TMEM131: variants seen among roughly 807,000 people sequenced by gnomAD.
TMEM131 encodes transmembrane protein 131, also known as 2610524E03Rik.
A neutral mutation model predicts 211.6 loss-of-function variants in TMEM131; 66 were observed. The ratio of observed to expected loss-of-function variants is 0.31; its 90% CI spans 0.26 to 0.38. The LOEUF (loss-of-function observed/expected upper bound fraction) is 0.38, where lower values mean the gene tolerates loss of function less well. Among genes scored for constraint, TMEM131 ranks in the 10% least tolerant of loss-of-function variants. TMEM131 has a pLI of 1.00. For synonymous variants in TMEM131, 844 were observed against 841.3 expected (o/e 1.00, Z -0.06); for missense variants, 2,036 against 2,299.3 (o/e 0.89, Z 2.34).
chr2:97,813,038 T>A (rs1681629285), intron 15 of TMEM131, among the ~76,000 whole-genome samples: 2 of 152,228 alleles, frequency 1.3e-5, no homozygotes, highest in African/African-American at 2.4e-5. Flanking sequence ...CTTTTGTATA[T>A]ATGCATAAAA....
In TMEM131 at chr2:97,757,198, G is replaced by C; in HGVS notation, c.5553C>G (p.Asp1851Glu). The part of the protein sequence containing the change: ...HAPSTSSPAD[D>E]LGQTYNPWRI... ...GCCACGGGTTGTAGGTCTGTCCCAA[G>C]TCGTCAGCTGGACTGGAGGTGGAGG... is the stretch of plus-strand genomic sequence containing the variant. Residue 1851 changes from aspartate to glutamate, a missense_variant, in exon 41 of 41, where the codon GAC becomes GAG. By Grantham distance (45) the Asp-to-Glu change is conservative (BLOSUM62 2). This residue lies in a region of TMEM131 where 1,623 missense variants were observed against 1,805.9 expected (regional missense o/e 0.90). Transcript: ENST00000186436. The C allele has an allele frequency of 6.2e-7, 1 of 1,614,006 alleles. No homozygotes were observed. The highest frequency in any genetic ancestry group is 8.5e-7 in the Non-Finnish European group (1 of 1,179,888).
intron 4 of TMEM131, among the ~76,000 whole-genome samples, chr2:97,869,104 A>AG (rs1415808097): frequency 6.6e-6 from 1 of 152,236 alleles, no homozygotes; most frequent in African/African-American, 2.4e-5. Flanking sequence ...TGCTTTCTTA[A>AG]GAAAAAAAAT....
Position 97,908,697 on chromosome 2 carries a change from G to C in TMEM131, c.251C>G (p.Thr84Ser), listed in dbSNP as rs1321256516. The change falls in exon 3 of 41, where the codon ACC becomes AGC. Residue 84 changes from threonine to serine, a missense_variant and splice_region_variant. By Grantham distance (58) the Thr-to-Ser change is moderately conservative (BLOSUM62 1). Around this residue, in one of 3 missense-constraint regions of TMEM131, gnomAD observed 277 missense variants for 378.0 expected, o/e 0.73. Transcript: ENST00000186436. The stretch of plus-strand genomic sequence containing the variant: ...TGAACTGAGTCCAAGTGTTGTCTCG[G>C]TCTGTAAAAGGAATAAAATAATGAT... ...LRFDDGGLLQ[T>S]ETTLGLSSYQ... The C allele has an allele frequency of 6.2e-7, 1 of 1,603,664 alleles. No individual in the cohort carries two copies. The highest frequency in any genetic ancestry group is 1.1e-5 in the South Asian group (1 of 89,886).
chr2:97,901,082 C>T (rs1212780409), intron 3 of TMEM131, among the ~76,000 whole-genome samples: 1 of 152,114 alleles, frequency 6.6e-6, no homozygotes, highest in African/African-American at 2.4e-5. Context: ...TAGGAATTTA[C>T]CCTGAATATA....
At chr2:97,820,439 G>A (rs544340583) in intron 11 of TMEM131, among the ~76,000 whole-genome samples, 138 of 152,218 alleles carry the variant, frequency 9.1e-4, no homozygotes, top group Non-Finnish European at 1.6e-3. Context: ...CCAAAGAGAG[G>A]AAATCAGTAC....
chr2:97,760,967 C>CG (rs1559341088), intron 36 of TMEM131, 53 bp from the exon 37 acceptor site: 2 of 1,603,930 alleles, frequency 1.2e-6, no homozygotes, highest in Non-Finnish European at 1.7e-6. Flanking sequence ...TGCCCTGTCT[C>CG]GGGGAGGTGT....
chr2:97,760,558 C>A, intron 38 of TMEM131, 35 bp downstream of exon 38: 2 of 1,576,406 alleles, frequency 1.3e-6, no homozygotes, highest in Non-Finnish European at 8.6e-7. Flanking sequence ...GAGAAGCCTT[C>A]CGTCTTTCTA....
chr2:97,953,200 G>A (rs923605077), intron 1 of TMEM131, among the ~76,000 whole-genome samples: 1 of 152,152 alleles, frequency 6.6e-6, no homozygotes, highest in African/African-American at 2.4e-5. Context: ...TGTGCTCAAT[G>A]TATGGAAATG....
chr2:97,849,717 C>CTCTT (rs1673520442), intron 5 of TMEM131, among the ~76,000 whole-genome samples: 5 of 103,824 alleles, frequency 4.8e-5, no homozygotes, highest in East Asian at 2.6e-4. Flanking sequence ...CTCTCTCTCT[C>CTCTT]TTTTTTTTTT....
At chr2:97,870,149 C>CA (rs763914787) in intron 4 of TMEM131, among the ~76,000 whole-genome samples, 9 of 151,764 alleles carry the variant, frequency 5.9e-5, no homozygotes, top group South Asian at 2.1e-4. Context: ...CAGGCTCACC[C>CA]AAAAAAAATC....
chr2:97,907,501 T>G (rs550160351), intron 3 of TMEM131, among the ~76,000 whole-genome samples: 1 of 152,296 alleles, frequency 6.6e-6, no homozygotes, highest in South Asian at 2.1e-4. Context: ...TTCATAGATG[T>G]ACTTTAAACA....
chr2:97,795,793 A>G (rs188962315), intron 28 of TMEM131, among the ~76,000 whole-genome samples: 3 of 152,340 alleles, frequency 2.0e-5, no homozygotes, highest in Admixed American at 2.0e-4. Context: ...GATAGGTATT[A>G]AAACTGTCTT....
chr2:97,768,826 G>A (rs890558429), intron 33 of TMEM131, among the ~76,000 whole-genome samples: 4 of 152,118 alleles, frequency 2.6e-5, no homozygotes, highest in South Asian at 2.1e-4. Context: ...CCTGACCTCC[G>A]GTGATCTGCC....
In TMEM131 at chr2:97,806,841, T is replaced by C. The variant is rs1681325836; in HGVS notation, c.2056-1138A>G. ...AGCGTGCACAGGAAAAAGGGCGCAA[T>C]GACTGTGACACTGAGGCCAGCGCTC... On this transcript the variant is annotated intron_variant, in intron 19 of 40. Coordinates refer to ENST00000186436, the MANE Select transcript of TMEM131 (RefSeq NM_015348.2). 2.6e-5 allele frequency among the ~76,000 whole-genome samples: 4 copies of C among 152,076 alleles called. No individual in the cohort carries two copies. In the South Asian group the frequency reaches 6.2e-4, roughly 24 times the overall value.
At chr2:97,782,005 G>A (rs1182969220) in intron 31 of TMEM131, among the ~76,000 whole-genome samples, 1 of 152,208 alleles carries the variant, frequency 6.6e-6, no homozygotes, top group Non-Finnish European at 1.5e-5. Context: ...GCTGTAACCA[G>A]ACATCCCAGC....
At chr2:97,962,466 T>C (rs1678863097) in intron 1 of TMEM131, among the ~76,000 whole-genome samples, 1 of 152,130 alleles carries the variant, frequency 6.6e-6, no homozygotes, top group African/African-American at 2.4e-5. Flanking sequence ...ATAGCGCCAC[T>C]GCACTCCAGC....
At chr2:97,766,809 G>A (rs1223934333) in intron 33 of TMEM131, among the ~76,000 whole-genome samples, 1 of 152,166 alleles carries the variant, frequency 6.6e-6, no homozygotes, top group Non-Finnish European at 1.5e-5. Context: ...TTCAGCACTT[G>A]CAGACTGAAC....
intron 1 of TMEM131, among the ~76,000 whole-genome samples, chr2:97,981,974 A>C (rs996730565): frequency 6.6e-6 from 1 of 152,202 alleles, no homozygotes; most frequent in African/African-American, 2.4e-5. Flanking sequence ...GGCTACTATA[A>C]ATAATGCTGC....
At chr2:97,773,050 CTG>C (rs909794202) in intron 32 of TMEM131, among the ~76,000 whole-genome samples, 6 of 152,176 alleles carry the variant, frequency 3.9e-5, no homozygotes, top group African/African-American at 7.2e-5. Flanking sequence ...GAGTAAAACA[CTG>C]TATTTCCTTA....
Sources: allele counts gnomAD v4.1 joint callset (sites outside exome capture counted in the v4.1 genomes callset), GRCh38; gene constraint gnomAD v4.1.1; regional missense constraint gnomAD v4.1.1; transcripts MANE v1.5; gene names NCBI Gene and HGNC (gene_info 2026-07-23, HGNC 2026-07-21).